The following VPS35L variants were observed in gnomAD, a reference collection of about 807,000 sequenced individuals.
VPS35L encodes the protein VPS35 endosomal protein sorting factor like.
Under a neutral mutation model 133.0 loss-of-function variants are expected in VPS35L, and 83 were observed. The observed-to-expected ratio is 0.62, with a 90% CI of 0.52 to 0.75. The LOEUF is 0.75. VPS35L is among the 30% of genes least tolerant of loss of function. The pLI is 0.00. For synonymous variants in VPS35L, 423 were observed against 449.9 expected, an observed-to-expected ratio of 0.94 and a Z score of 0.76; for missense variants, 1,083 against 1,206.8, an observed-to-expected ratio of 0.90 and a Z score of 1.52.
Position 19,682,299 on chromosome 16 carries a change from C to A in VPS35L, c.2436C>A (p.Asp812Glu). Reference protein sequence around the residue: ...LNVIQDYTWEDNSDEKIRIYT... With the variant: ...LNVIQDYTWEENSDEKIRIYT... ...TGATCCAGGACTACACCTGGGAGGA[C>A]AACAGCGATGAGAAAATCCGCATCT... The change falls in exon 28 of 31, where the codon GAC becomes GAA. Residue 812 changes from aspartate (D) to glutamate (E), a missense_variant. Coordinates refer to ENST00000417362, the MANE Select transcript of VPS35L (RefSeq NM_020314.7). The A allele has an allele frequency of 1.9e-6, 3 of 1,613,204 alleles. No individual in the cohort carries two copies. Among genetic ancestry groups the A allele is most frequent in the South Asian group, 1.1e-5 (1 of 90,996 alleles).
At chr16:19,650,251 C>A in intron 24 of VPS35L, 131 bp from the exon 25 acceptor site, 1 of 750,018 alleles carries the variant, frequency 1.3e-6, no homozygotes, top group Non-Finnish European at 2.3e-6. Flanking sequence ...AGGTTTAGTG[C>A]TAACCAGTCT....
At chr16:19,623,282 G>T (rs1339397846) in intron 14 of VPS35L, among the ~76,000 whole-genome samples, 1 of 152,112 alleles carries the variant, frequency 6.6e-6, no homozygotes, top group African/African-American at 2.4e-5. Context: ...CAAGATCAAG[G>T]GGCCAGCAAG....
At chr16:19,588,074 A>G (rs892292228) in intron 7 of VPS35L, among the ~76,000 whole-genome samples, 4 of 151,064 alleles carry the variant, frequency 2.6e-5, no homozygotes, top group Non-Finnish European at 5.9e-5. Flanking sequence ...TGCTGGGATT[A>G]AAGGCATGAG....
At chr16:19,616,985 G>C (rs1220619238) in intron 14 of VPS35L, 177 bp downstream of exon 14, 3 of 919,626 alleles carry the variant, frequency 3.3e-6, no homozygotes, top group Non-Finnish European at 5.1e-6. Flanking sequence ...GCTTTTCTGA[G>C]ATAGTCTCAT....
At chr16:19,605,024 A>G (rs1354886670) in intron 9 of VPS35L, among the ~76,000 whole-genome samples, 4 of 152,202 alleles carry the variant, frequency 2.6e-5, no homozygotes, top group Non-Finnish European at 5.9e-5. Flanking sequence ...CAGCATTCCC[A>G]TCTTCAGTTT....
chr16:19,640,170 A>G, intron 21 of VPS35L, 70 bp downstream of exon 21: 6 of 1,451,558 alleles, frequency 4.1e-6, no homozygotes, highest in African/African-American at 1.4e-5. Flanking sequence ...ATAAAAAATC[A>G]GTTCTTGCAC....
chr16:19,569,116 T>A (rs1160004670), intron 2 of VPS35L: 1 of 526,864 alleles, frequency 1.9e-6, no homozygotes, highest in Non-Finnish European at 3.6e-6. Context: ...TTGCTACTTA[T>A]ATTGAGTTGG....
At chr16:19,625,756 C>T (rs1031053929) in intron 14 of VPS35L, among the ~76,000 whole-genome samples, 1 of 152,134 alleles carries the variant, frequency 6.6e-6, no homozygotes. Context: ...TCATAGCAGC[C>T]TCCACCTCCT....
intron 1 of VPS35L, among the ~76,000 whole-genome samples, chr16:19,563,498 A>G (rs1971089988): frequency 6.6e-6 from 1 of 152,106 alleles, no homozygotes; most frequent in Non-Finnish European, 1.5e-5. Context: ...ATCTCTTCAG[A>G]GACTGTTCTT....
At chr16:19,645,991 AG>A (rs1973936800) in intron 23 of VPS35L, among the ~76,000 whole-genome samples, 1 of 151,898 alleles carries the variant, frequency 6.6e-6, no homozygotes, top group Non-Finnish European at 1.5e-5. Flanking sequence ...GGGTCGAGAC[AG>A]GGGTTTCCAA....
At chr16:19,626,626 G>C (rs1364432109) in intron 15 of VPS35L, among the ~76,000 whole-genome samples, 3 of 152,034 alleles carry the variant, frequency 2.0e-5, no homozygotes, top group Non-Finnish European at 2.9e-5. Context: ...GCCGGGCTTG[G>C]TGGTGTATGC....
chr16:19,678,740 G>A (rs527252834), intron 27 of VPS35L, among the ~76,000 whole-genome samples: 13 of 151,838 alleles, frequency 8.6e-5, no homozygotes, highest in African/African-American at 3.1e-4. Context: ...GGCCTCCCAA[G>A]GTGCTGAGAT....
intron 24 of VPS35L, among the ~76,000 whole-genome samples, chr16:19,649,742 A>T (rs892963301): frequency 1.3e-5 from 2 of 152,208 alleles, no homozygotes; most frequent in African/African-American, 4.8e-5. Context: ...TTTCATGTCT[A>T]TTCAAGGAGA....
intron 7 of VPS35L, among the ~76,000 whole-genome samples, chr16:19,586,800 A>G (rs1241399450): frequency 6.6e-6 from 1 of 152,192 alleles, no homozygotes; most frequent in Non-Finnish European, 1.5e-5. Flanking sequence ...TCAATGGTTC[A>G]TTTTGAATTA....
chr16:19,585,548 G>T (rs2151521608), intron 7 of VPS35L, among the ~76,000 whole-genome samples: 1 of 151,482 alleles, frequency 6.6e-6, no homozygotes, highest in East Asian at 2.0e-4. Context: ...ACTACAATTG[G>T]CCACAACCAT....
At chr16:19,620,638 C>T (rs1185057107) in intron 14 of VPS35L, among the ~76,000 whole-genome samples, 1 of 152,184 alleles carries the variant, frequency 6.6e-6, no homozygotes, top group African/African-American at 2.4e-5. Context: ...AATATATACA[C>T]TTACTATGTA....
chr16:19,592,622 G>T (rs1040903135), intron 8 of VPS35L, among the ~76,000 whole-genome samples: 3 of 151,746 alleles, frequency 2.0e-5, no homozygotes, highest in African/African-American at 7.3e-5. Flanking sequence ...CCAGTCACCA[G>T]ATTCTTCGGT....
intron 1 of VPS35L, among the ~76,000 whole-genome samples, chr16:19,557,802 G>A (rs914338394): frequency 1.3e-5 from 2 of 152,090 alleles, no homozygotes; most frequent in African/African-American, 2.4e-5. Flanking sequence ...TGTAATCCCA[G>A]CACTTTGGGA....
chr16:19,645,957 T>C (rs950743032), intron 23 of VPS35L, among the ~76,000 whole-genome samples: 5 of 56,216 alleles, frequency 8.9e-5, no homozygotes, highest in Non-Finnish European at 1.3e-4. Context: ...ATAACAGGGC[T>C]TTTTTTTGCT....
Sources: allele counts gnomAD v4.1 joint callset (sites outside exome capture counted in the v4.1 genomes callset), GRCh38; gene constraint gnomAD v4.1.1; transcripts MANE v1.5; gene names NCBI Gene and HGNC (gene_info 2026-07-23, HGNC 2026-07-21).